SYNRG: variants seen among roughly 807,000 people sequenced by gnomAD.
The protein encoded by SYNRG is synergin gamma.
Under a neutral mutation model 130.9 loss-of-function variants are expected in SYNRG, and 37 were observed. The observed-to-expected ratio is 0.28, with a 90% CI of 0.22 to 0.37. SYNRG has a LOEUF of 0.37. Among genes scored for constraint, SYNRG ranks in the 10% least tolerant of loss-of-function variants. The pLI, the probability that SYNRG is intolerant of heterozygous loss-of-function variation, is 1.00. For synonymous variants in SYNRG, 539 were observed against 568.1 expected, an observed-to-expected ratio of 0.95 and a Z score of 0.73; for missense variants, 1,338 against 1,588.9, an observed-to-expected ratio of 0.84 and a Z score of 2.68.
chr17:37,555,674 G>T (rs1481673546), intron 13 of SYNRG, among the ~76,000 whole-genome samples: 5 of 152,172 alleles, frequency 3.3e-5, no homozygotes, highest in Admixed American at 6.5e-5. Flanking sequence ...ACCAAGGAGG[G>T]TGTATCACTT....
intron 6 of SYNRG, among the ~76,000 whole-genome samples, chr17:37,577,874 A>G (rs527725483): frequency 1.3e-5 from 2 of 148,798 alleles, no homozygotes; most frequent in Admixed American, 6.7e-5. Context: ...AATTTTTTGT[A>G]TTTTTAGTAG....
At chr17:37,543,526 C>T (rs1372961135) in intron 14 of SYNRG, among the ~76,000 whole-genome samples, 1 of 152,154 alleles carries the variant, frequency 6.6e-6, no homozygotes, top group African/African-American at 2.4e-5. Context: ...ATTTCTGAAC[C>T]TCAGTTTGCT....
At chr17:37,582,762 G>A (rs1232117228) in intron 6 of SYNRG, among the ~76,000 whole-genome samples, 1 of 152,128 alleles carries the variant, frequency 6.6e-6, no homozygotes, top group Non-Finnish European at 1.5e-5. Context: ...TCACGAGGTT[G>A]AAGTGGTAGG....
chr17:37,580,311 T>C (rs183563632), intron 6 of SYNRG, among the ~76,000 whole-genome samples: 13 of 151,660 alleles, frequency 8.6e-5, no homozygotes, highest in African/African-American at 2.9e-4. Flanking sequence ...TTTTTTTTTT[T>C]TGAGATGGAA....
intron 19 of SYNRG, 28 bp from the exon 20 acceptor site, chr17:37,520,676 A>G: frequency 1.3e-6 from 2 of 1,592,096 alleles, no homozygotes; most frequent in Non-Finnish European, 1.7e-6. Flanking sequence ...CAAATGGGTA[A>G]GAAGTCCACA....
intron 11 of SYNRG, among the ~76,000 whole-genome samples, chr17:37,565,262 TA>T (rs5820225): frequency 0.18 from 26,244 of 145,182 alleles, 2,668 homozygotes; most frequent in East Asian, 0.52. Flanking sequence ...GACTCCGTCT[TA>T]AAAAAAAAAA....
chr17:37,569,175 C>T (rs921546842), intron 10 of SYNRG, among the ~76,000 whole-genome samples: 3 of 152,206 alleles, frequency 2.0e-5, no homozygotes, highest in Non-Finnish European at 4.4e-5. Flanking sequence ...TTTGGGAGAT[C>T]GAGGCAGACA....
At chr17:37,548,609 G>C (rs1447411563) in intron 14 of SYNRG, among the ~76,000 whole-genome samples, 1 of 151,982 alleles carries the variant, frequency 6.6e-6, no homozygotes, top group Non-Finnish European at 1.5e-5. Flanking sequence ...CCTGAGGTCA[G>C]GAGTTTGACA....
intron 19 of SYNRG, among the ~76,000 whole-genome samples, chr17:37,522,448 G>A (rs1004624472): frequency 3.3e-5 from 5 of 151,676 alleles, no homozygotes; most frequent in African/African-American, 1.2e-4. Flanking sequence ...CACTGTGCCC[G>A]GCCCCGCAGC....
chr17:37,600,050 C>T (rs564645756), intron 2 of SYNRG, among the ~76,000 whole-genome samples: 4 of 152,132 alleles, frequency 2.6e-5, no homozygotes, highest in South Asian at 2.1e-4. Flanking sequence ...AATTACAGCT[C>T]GTTTCATTTT....
At chr17:37,609,241 G>T (rs904962176) in intron 1 of SYNRG, 38 bp downstream of exon 1, 3 of 1,397,330 alleles carry the variant, frequency 2.1e-6, no homozygotes. Flanking sequence ...CCGCCCCCGC[G>T]GAGGCCAGCG....
Position 37,515,124 on chromosome 17 carries a change from A to G in SYNRG, c.*3816T>C, listed in dbSNP as rs1417558889. The G allele has an allele frequency of 5.3e-5, 8 of 152,218 alleles. No individual in the cohort carries two copies. Among genetic ancestry groups the G allele is most frequent in the Non-Finnish European group, 1.0e-4 (7 of 68,036 alleles). The allele number at this position is 152,218 out of a possible 1,614,324, so 9.4% of individuals were successfully genotyped here. A position where few individuals can be genotyped will look rare whatever the true frequency, so the allele number is the denominator to read the frequency against. On this transcript the variant is annotated 3_prime_UTR_variant, in exon 22 of 22. Coordinates refer to ENST00000612223, the MANE Select transcript of SYNRG (RefSeq NM_007247.6). ...ATTCACGTCAACATATAAATAATGGAATTAAGTAAAAACTTCATTATAATG... is the reference window on the plus strand; with the variant it reads ...ATTCACGTCAACATATAAATAATGGGATTAAGTAAAAACTTCATTATAATG...
rs1353750666 is a variant in SYNRG at position 37,579,707 on chromosome 17, CTATT to C, written c.590-2098_590-2095del. On this transcript the variant is annotated intron_variant, in intron 6 of 21. Transcript: ENST00000612223. ...AAGGTAAAACTAAAAATACATGTAT[CTATT>C]CATTTATTTTAGAGACAGGATCTTG... 3.3e-5 allele frequency among the ~76,000 whole-genome samples: 5 copies of C among 152,130 alleles called. No individual in the cohort carries two copies. The East Asian group carries it at 9.6e-4, about 29-fold the overall frequency.
chr17:37,520,357 C>G, intron 20 of SYNRG, 143 bp from the exon 21 acceptor site: 1 of 1,172,102 alleles, frequency 8.5e-7, no homozygotes, highest in Non-Finnish European at 1.3e-6. Flanking sequence ...CGCGTCCATT[C>G]CCTCCACAGC....
At chr17:37,533,998 G>A (rs1490804893) in intron 19 of SYNRG, among the ~76,000 whole-genome samples, 20 of 123,046 alleles carry the variant, frequency 1.6e-4, no homozygotes, top group Non-Finnish European at 2.7e-4. Flanking sequence ...GCAGTGGCAC[G>A]ATCTCAGCTT....
chr17:37,554,208 G>T, intron 13 of SYNRG, 149 bp from the exon 14 acceptor site: 1 of 680,978 alleles, frequency 1.5e-6, no homozygotes, highest in Admixed American at 3.6e-5. Flanking sequence ...AAACCCTATC[G>T]AACTACACAT....
intron 3 of SYNRG, among the ~76,000 whole-genome samples, chr17:37,592,780 A>AT: frequency 6.6e-6 from 1 of 152,364 alleles, no homozygotes; most frequent in South Asian, 2.1e-4. Context: ...AAGGAAGTGA[A>AT]TACAGCTACA....
chr17:37,535,796 A>C (rs141192184), intron 19 of SYNRG, among the ~76,000 whole-genome samples, 183 bp downstream of exon 19: 1 of 152,284 alleles, frequency 6.6e-6, no homozygotes, highest in East Asian at 1.9e-4. Context: ...GGCCTTAGAG[A>C]GATCAGAAGC....
intron 1 of SYNRG, among the ~76,000 whole-genome samples, chr17:37,604,100 C>T (rs765357964): frequency 2.0e-5 from 3 of 151,912 alleles, no homozygotes; most frequent in Non-Finnish European, 2.9e-5. Flanking sequence ...ATTAGCCTGG[C>T]GTGGTGGTGC....
Sources: gnomAD v4.1 joint callset for allele counts (sites outside exome capture counted in the v4.1 genomes callset) on GRCh38, gnomAD v4.1.1 for gene constraint, MANE v1.5 for transcripts, NCBI Gene and HGNC (gene_info 2026-07-23, HGNC 2026-07-21) for gene names.